Variants in MYLK observed in about 807,000 individuals in gnomAD.
MYLK encodes the protein myosin light chain kinase, also known as myosin light chain kinase, smooth muscle.
MYLK carries 106 observed loss-of-function variants against 203.4 expected under a neutral mutation model. That is an observed-to-expected ratio of 0.52 (90% CI 0.45 to 0.61). MYLK has a LOEUF of 0.61. MYLK is among the 20% of genes least tolerant of loss of function. The pLI is 0.00. For missense variants in MYLK, 2,072 were observed against 2,442.3 expected, an observed-to-expected ratio of 0.85 and a Z score of 3.20; for synonymous variants, 867 against 959.5, an observed-to-expected ratio of 0.90 and a Z score of 1.78.
At chr3:123,820,860 A>G (rs2065911923) in intron 3 of MYLK, among the ~76,000 whole-genome samples, 1 of 152,058 alleles carries the variant, frequency 6.6e-6, no homozygotes, top group South Asian at 2.1e-4. Context: ...AGTAGCTGGG[A>G]TTACGAGTGT....
At chr3:123,651,181 A>C (rs112301871) in intron 24 of MYLK, among the ~76,000 whole-genome samples, 1 of 152,180 alleles carries the variant, frequency 6.6e-6, no homozygotes, top group South Asian at 2.1e-4. Flanking sequence ...ATCGCCAAGG[A>C]TGAGATGAGA....
chr3:123,659,433 G>A (rs1430672362), intron 23 of MYLK, among the ~76,000 whole-genome samples: 2 of 152,174 alleles, frequency 1.3e-5, no homozygotes, highest in South Asian at 4.1e-4. Flanking sequence ...TATGTGATAC[G>A]TAAGACTTGT....
chr3:123,878,287 C>A (rs1354986296), intron 1 of MYLK, among the ~76,000 whole-genome samples: 2 of 152,186 alleles, frequency 1.3e-5, no homozygotes, highest in African/African-American at 4.8e-5. Flanking sequence ...TAAAGGTGCA[C>A]AATCTGAGAC....
chr3:123,763,231 T>C (rs1384582448), intron 4 of MYLK, among the ~76,000 whole-genome samples: 1 of 152,250 alleles, frequency 6.6e-6, no homozygotes, highest in Non-Finnish European at 1.5e-5. Flanking sequence ...TACATTCTTC[T>C]CAGTAATGGT....
intron 24 of MYLK, among the ~76,000 whole-genome samples, chr3:123,651,853 T>C (rs2059222719): frequency 6.6e-6 from 1 of 152,242 alleles, no homozygotes; most frequent in Non-Finnish European, 1.5e-5. Flanking sequence ...CTGATTCTCA[T>C]GCTAATGCTC....
At chr3:123,863,247 A>G (rs1450878094) in intron 2 of MYLK, among the ~76,000 whole-genome samples, 4 of 152,068 alleles carry the variant, frequency 2.6e-5, no homozygotes, top group Non-Finnish European at 4.4e-5. Context: ...TTTGAGATGG[A>G]TGACAAACCT....
chr3:123,696,115 G>A (rs539301944), intron 18 of MYLK, among the ~76,000 whole-genome samples: 1 of 152,214 alleles, frequency 6.6e-6, no homozygotes, highest in African/African-American at 2.4e-5. Flanking sequence ...CAGCACGAAA[G>A]GGGGTGAACT....
intron 19 of MYLK, among the ~76,000 whole-genome samples, chr3:123,687,213 ACT>A (rs1258711824): frequency 6.6e-6 from 1 of 152,076 alleles, no homozygotes; most frequent in Non-Finnish European, 1.5e-5. Flanking sequence ...AAAGAGTGAA[ACT>A]CTGTCTCAAA....
chr3:123,722,086 T>C, intron 13 of MYLK, 42 bp downstream of exon 13: 1 of 1,553,466 alleles, frequency 6.4e-7, no homozygotes, highest in Middle Eastern at 1.7e-4. Flanking sequence ...CAGAAGTGCC[T>C]GCAGGAAAGG....
intron 4 of MYLK, among the ~76,000 whole-genome samples, chr3:123,764,341 A>G (rs1329916792): frequency 6.6e-6 from 1 of 152,194 alleles, no homozygotes; most frequent in Non-Finnish European, 1.5e-5. Context: ...GGACCTGTCA[A>G]TGTGTCAGAC....
chr3:123,783,431 G>A (rs1292418117), intron 4 of MYLK, among the ~76,000 whole-genome samples: 1 of 152,126 alleles, frequency 6.6e-6, no homozygotes, highest in Non-Finnish European at 1.5e-5. Context: ...TGCCAGCAGA[G>A]TTGTGTAATT....
intron 3 of MYLK, among the ~76,000 whole-genome samples, chr3:123,799,014 C>A (rs1255989415): frequency 6.6e-6 from 1 of 152,168 alleles, no homozygotes; most frequent in Non-Finnish European, 1.5e-5. Flanking sequence ...TTCTCTAATG[C>A]AGAGCAATGC....
intron 3 of MYLK, among the ~76,000 whole-genome samples, chr3:123,818,408 A>G (rs1474496940): frequency 1.3e-5 from 2 of 152,176 alleles, no homozygotes; most frequent in African/African-American, 4.8e-5. Flanking sequence ...AGGAATGAAG[A>G]AAGAACACAA....
Position 123,682,244 on chromosome 3 carries a change from G to A in MYLK, c.3632C>T (p.Pro1211Leu), listed in dbSNP as rs2108455726. The change falls in exon 20 of 34, where the codon CCT (proline) becomes CTT (leucine). Residue 1211 changes from proline to leucine, a missense_variant. Around this residue, in one of 3 missense-constraint regions of MYLK, gnomAD observed 865 missense variants for 1,016.0 expected, o/e 0.85. Coordinates refer to ENST00000360304, the MANE Select transcript of MYLK (RefSeq NM_053025.4). ...MKSRRPKSSL[P>L]PVLGTESDAT... ...CTCACTCTCAGTTCCTAGCACGGGA[G>A]GAAGAGAGCTCTTGGGCCTCCGGGA... is the stretch of plus-strand genomic sequence containing the variant. 1 of 1,602,708 alleles carries A rather than the reference G, an allele frequency of 6.2e-7. No individual in the cohort carries two copies. Among genetic ancestry groups the A allele is most frequent in the East Asian group, 2.2e-5 (1 of 44,690 alleles).
chr3:123,818,423 A>T (rs1260527463), intron 3 of MYLK, among the ~76,000 whole-genome samples: 1 of 152,104 alleles, frequency 6.6e-6, no homozygotes, highest in Non-Finnish European at 1.5e-5. Flanking sequence ...ACACAACCAC[A>T]GGGAACCTGT....
chr3:123,825,743 GC>G (rs2066094365), intron 3 of MYLK, among the ~76,000 whole-genome samples: 1 of 152,184 alleles, frequency 6.6e-6, no homozygotes, highest in Admixed American at 6.5e-5. Flanking sequence ...GGTGGCTGTA[GC>G]CACAACCCCA....
intron 24 of MYLK, among the ~76,000 whole-genome samples, chr3:123,656,009 A>C (rs1362663770): frequency 1.3e-5 from 2 of 152,156 alleles, no homozygotes; most frequent in Non-Finnish European, 2.9e-5. Context: ...TCACTATGCA[A>C]AAAGTCATCA....
chr3:123,729,987 G>A (rs1399137808), intron 11 of MYLK, among the ~76,000 whole-genome samples: 2 of 152,066 alleles, frequency 1.3e-5, no homozygotes, highest in African/African-American at 4.8e-5. Flanking sequence ...AGTGCTTTGG[G>A]AGGTTGAAGT....
At chr3:123,843,251 G>A (rs997598821) in intron 2 of MYLK, among the ~76,000 whole-genome samples, 2 of 152,198 alleles carry the variant, frequency 1.3e-5, no homozygotes, top group African/African-American at 4.8e-5. Context: ...AAATCAGACA[G>A]ATTAGGAGAA....
Sources: gnomAD v4.1 joint callset for allele counts (sites outside exome capture counted in the v4.1 genomes callset) on GRCh38, gnomAD v4.1.1 for gene constraint, gnomAD v4.1.1 regional missense constraint, MANE v1.5 for transcripts, NCBI Gene and HGNC (gene_info 2026-07-23, HGNC 2026-07-21) for gene names.